The following ACTA2 variants were observed in gnomAD, a reference collection of about 807,000 sequenced individuals.
ACTA2 encodes the protein actin alpha 2, smooth muscle.
In ACTA2, 12 loss-of-function variants were observed where a neutral mutation model predicts 39.5. That is an observed-to-expected ratio of 0.30 (90% CI 0.19 to 0.49). The LOEUF is 0.49. Among genes scored for constraint, ACTA2 ranks in the 20% least tolerant of loss-of-function variants. The pLI is 0.99. For missense variants in ACTA2, 236 were observed against 498.8 expected (o/e 0.47, Z 5.02); for synonymous variants, 158 against 180.6 (o/e 0.88, Z 1.00).
rs121434526 is a variant in ACTA2 at position 88,941,794 on chromosome 10, G to A, written c.445C>T (p.Arg149Cys). 4 of 1,611,822 alleles carry A rather than the reference G, an allele frequency of 2.5e-6. No individual in the cohort carries two copies. The highest frequency in any genetic ancestry group is 1.1e-5 in the South Asian group (1 of 90,574). Residue 149 changes from arginine to cysteine, a missense_variant, in exon 5 of 9, where the codon CGC (arginine) becomes TGC (cysteine). Arg to Cys is a radical substitution (Grantham distance 180, BLOSUM62 -3). Coordinates refer to ENST00000224784, the MANE Select transcript of ACTA2 (RefSeq NM_001613.4). ...QAVLSLYASG[R>C]TTGIVLDSGD... is the part of the protein sequence containing the mutation. ...CCGCCCAGCCACCTACCAGTTGTGC[G>A]TCCAGAGGCATAGAGAGACAGCACC...
intron 1 of ACTA2, among the ~76,000 whole-genome samples, chr10:88,987,045 G>A (rs113663184): frequency 5.3e-5 from 8 of 152,212 alleles, no homozygotes; most frequent in South Asian, 2.1e-4. Context: ...TAAGATCTCC[G>A]TCCTCTCTCT....
intron 2 of ACTA2, 185 bp downstream of exon 2, chr10:88,948,617 A>G (rs893871886): frequency 6.8e-6 from 5 of 733,494 alleles, no homozygotes; most frequent in African/African-American, 5.2e-5. Flanking sequence ...ATAGATGCCC[A>G]TCAGATAATC....
At chr10:88,960,828 G>A (rs1433816229) in intron 1 of ACTA2, among the ~76,000 whole-genome samples, 1 of 152,160 alleles carries the variant, frequency 6.6e-6, no homozygotes, top group Non-Finnish European at 1.5e-5. Context: ...TAGTAACAAA[G>A]CTATCTTACC....
At chr10:88,967,664 C>T (rs1846343489) in intron 1 of ACTA2, among the ~76,000 whole-genome samples, 1 of 152,066 alleles carries the variant, frequency 6.6e-6, no homozygotes, top group Non-Finnish European at 1.5e-5. Context: ...AGAAGATGAA[C>T]ATATAAAATA....
In ACTA2 at chr10:88,973,421, G is replaced by A. The variant is rs963333105; in HGVS notation, c.-24+17518C>T. 3.2e-6 allele frequency: 4 copies of A among 1,235,200 alleles called. No homozygotes were observed. In the African/African-American group the frequency reaches 4.6e-5, roughly 14 times the overall value. 76.5% of individuals were successfully genotyped at this position (1,235,200 alleles called of 1,614,324 possible). ...TTCCCGATGAAAACAACTCTTTCTT[G>A]TTAGCCATTATCTCTGCCTTTCCTT... On this transcript the variant is annotated intron_variant, in intron 1 of 4. Coordinates refer to the ACTA2 transcript ENST00000415557.
intron 1 of ACTA2, chr10:88,974,779 G>A (rs1846526402): frequency 6.6e-6 from 1 of 152,108 alleles, no homozygotes; most frequent in Non-Finnish European, 1.5e-5. Context: ...AGCATTTTTG[G>A]GATCCTGATT....
chr10:88,982,522 G>T (rs928880791), intron 1 of ACTA2, among the ~76,000 whole-genome samples: 1 of 152,144 alleles, frequency 6.6e-6, no homozygotes, highest in African/African-American at 2.4e-5. Flanking sequence ...AATAAAAAAG[G>T]CAGAGATTCA....
At chr10:88,950,601 G>A (rs1238153906) in intron 1 of ACTA2, among the ~76,000 whole-genome samples, 2 of 152,224 alleles carry the variant, frequency 1.3e-5, no homozygotes, top group African/African-American at 2.4e-5. Context: ...AAGGCTTAAG[G>A]AGTTGAAGTG....
chr10:88,942,811 C>T (rs761685914), intron 4 of ACTA2, among the ~76,000 whole-genome samples: 3 of 151,980 alleles, frequency 2.0e-5, no homozygotes, highest in Non-Finnish European at 2.9e-5. Flanking sequence ...TCTCTTGCGA[C>T]GTGCAGTGAT....
intron 4 of ACTA2, among the ~76,000 whole-genome samples, chr10:88,942,593 A>G (rs1450151923): frequency 6.6e-6 from 1 of 152,198 alleles, no homozygotes; most frequent in East Asian, 1.9e-4. Context: ...TCCAGGGACA[A>G]GATTAGAACC....
intron 6 of ACTA2, chr10:88,940,402 G>A (rs1399707975): frequency 1.3e-5 from 2 of 155,954 alleles, no homozygotes; most frequent in Non-Finnish European, 2.8e-5. Flanking sequence ...GTAGGGAGCA[G>A]AGGAGGAATG....
At chr10:88,980,699 G>A (rs1369257356) in intron 1 of ACTA2, among the ~76,000 whole-genome samples, 9 of 152,126 alleles carry the variant, frequency 5.9e-5, no homozygotes, top group African/African-American at 2.2e-4. Context: ...TGGCCAAAAT[G>A]TCCCCCCTCT....
chr10:88,973,376 T>C (rs748684542), intron 1 of ACTA2: 4 of 1,444,296 alleles, frequency 2.8e-6, no homozygotes, highest in African/African-American at 1.4e-5. Flanking sequence ...GGCGAACAAT[T>C]GTGAAAATCT....
chr10:88,935,612 CA>C, intron 8 of ACTA2: 1 of 432,788 alleles, frequency 2.3e-6, no homozygotes, highest in Non-Finnish European at 4.3e-6. Flanking sequence ...ACTCTTCGAC[CA>C]CATTATTGAG....
intron 2 of ACTA2, 131 bp from the exon 3 acceptor site, chr10:88,947,517 G>A (rs1845973952): frequency 1.5e-6 from 2 of 1,366,816 alleles, no homozygotes; most frequent in African/African-American, 1.4e-5. Context: ...TAAACATATT[G>A]AGTCTCATTG....
chr10:88,965,991 G>A (rs764680048), intron 1 of ACTA2, among the ~76,000 whole-genome samples: 1 of 152,148 alleles, frequency 6.6e-6, no homozygotes, highest in Non-Finnish European at 1.5e-5. Context: ...CGGAACCATG[G>A]TCAACAGAAT....
rs543023893 is a variant in ACTA2, at chr10:88,971,870, A to G, written c.-24+19069T>C. Among the ~76,000 whole-genome samples the G allele has an allele frequency of 4.0e-5, 6 of 151,568 alleles. No homozygotes were observed. The East Asian group carries it at 1.2e-3, about 29-fold the overall frequency. ...CTAACAGTTTATTTAAGCCAAATTT[A>G]TAGTTTCTGAAGCGCTAGAAGGCTG... On this transcript the variant is annotated intron_variant, in intron 1 of 4. Coordinates refer to the ACTA2 transcript ENST00000415557.
intron 1 of ACTA2, among the ~76,000 whole-genome samples, chr10:88,979,373 T>C (rs1292684250): frequency 5.9e-5 from 9 of 152,180 alleles, no homozygotes. Flanking sequence ...ACCAGATTCC[T>C]GCTGACTTCA....
At chr10:88,946,909 A>G (rs1168662984) in intron 3 of ACTA2, 1 of 100,982 alleles carries the variant, frequency 9.9e-6, no homozygotes, top group Non-Finnish European at 1.9e-5. Context: ...ACCCCACAAC[A>G]GTCCCCGGTG....
Sources: gnomAD v4.1 joint callset for allele counts (sites outside exome capture counted in the v4.1 genomes callset) on GRCh38, gnomAD v4.1.1 for gene constraint, MANE v1.5 for transcripts, NCBI Gene and HGNC (gene_info 2026-07-23, HGNC 2026-07-21) for gene names.